RAD51B: variants seen among roughly 807,000 people sequenced by gnomAD.
RAD51B encodes RAD51 paralog B.
RAD51B carries 38 observed loss-of-function variants against 42.2 expected under a neutral mutation model. The observed-to-expected ratio is 0.90, with a 90% CI of 0.70 to 1.18. The LOEUF (loss-of-function observed/expected upper bound fraction) is 1.18. RAD51B is among the 50% of genes most tolerant of loss of function. RAD51B has a pLI of 0.00. For synonymous variants in RAD51B, 154 were observed against 145.2 expected (o/e 1.06, Z -0.43); for missense variants, 373 against 400.7 (o/e 0.93, Z 0.59).
intron 8 of RAD51B, among the ~76,000 whole-genome samples, chr14:68,401,216 G>T (rs1026727762): frequency 6.6e-6 from 1 of 152,114 alleles, no homozygotes; most frequent in Non-Finnish European, 1.5e-5. Flanking sequence ...CATATGTCTT[G>T]GTTTTCTCAG....
In RAD51B at chr14:67,929,260, A is replaced by G. The variant is rs533700731; in HGVS notation, c.756+42056A>G. Among the ~76,000 whole-genome samples the G allele has an allele frequency of 2.6e-5, 4 of 152,124 alleles. No homozygotes were observed. In the East Asian group the frequency reaches 5.8e-4, roughly 22 times the overall value. On this transcript the variant is annotated intron_variant, in intron 7 of 10. Transcript: ENST00000471583. ...ACTCCCCTCTTAACATACTTTTGCTATGTCCCACAGGTTTTGGTATGTTGT... is the reference window on the plus strand; with the variant it reads ...ACTCCCCTCTTAACATACTTTTGCTGTGTCCCACAGGTTTTGGTATGTTGT...
intron 10 of RAD51B, among the ~76,000 whole-genome samples, chr14:68,510,390 G>A (rs1885645397): frequency 6.6e-6 from 1 of 152,160 alleles, no homozygotes; most frequent in Admixed American, 6.5e-5. Context: ...CTGGGGGCGG[G>A]GGAGTGGCCA....
At chr14:68,599,424 G>A (rs1891132806), downstream of RAD51B, among the ~76,000 whole-genome samples, 1 of 152,184 alleles carries the variant, frequency 6.6e-6, no homozygotes, top group Non-Finnish European at 1.5e-5. Flanking sequence ...ACCGTGGGGT[G>A]AGTAGGCTCC....
At chr14:68,414,344 T>A (rs563624557) in intron 9 of RAD51B, among the ~76,000 whole-genome samples, 34 of 152,366 alleles carry the variant, frequency 2.2e-4, no homozygotes, top group Non-Finnish European at 4.4e-4. Flanking sequence ...TTTTTTCCAT[T>A]TGACTTTTAT....
At chr14:68,211,576 G>A (rs535648345) in intron 7 of RAD51B, among the ~76,000 whole-genome samples, 40 of 152,310 alleles carry the variant, frequency 2.6e-4, no homozygotes, top group South Asian at 1.7e-3. Flanking sequence ...ATAGATTGTA[G>A]ACTAGATATG....
chr14:68,465,897 C>T (rs1317936613), intron 9 of RAD51B, among the ~76,000 whole-genome samples: 3 of 150,572 alleles, frequency 2.0e-5, no homozygotes, highest in South Asian at 2.1e-4. Flanking sequence ...GCCGAGATTG[C>T]GCCACTGCAC....
At chr14:68,660,270 C>T (rs142707717) in intron 11 of RAD51B, among the ~76,000 whole-genome samples, 19 of 152,284 alleles carry the variant, frequency 1.2e-4, no homozygotes, top group East Asian at 1.9e-4. Context: ...AGAAAAATAC[C>T]GGGCTGGACA....
At chr14:68,097,930 C>T (rs2077222401) in intron 7 of RAD51B, among the ~76,000 whole-genome samples, 1 of 152,162 alleles carries the variant, frequency 6.6e-6, no homozygotes, top group African/African-American at 2.4e-5. Context: ...TGCATCATCA[C>T]GTGGCTGCAT....
At chr14:68,113,258 A>G (rs113627141) in intron 7 of RAD51B, among the ~76,000 whole-genome samples, 2,329 of 152,194 alleles carry the variant, frequency 0.015, 58 homozygotes, top group Non-Finnish European at 0.016. Context: ...AGAGTGTCTA[A>G]TATCCATAAT....
At chr14:68,339,496 T>G (rs2082528948) in intron 8 of RAD51B, 1 of 429,754 alleles carries the variant, frequency 2.3e-6, no homozygotes, top group Non-Finnish European at 4.1e-6. Context: ...GCTGGAGCCA[T>G]TTTTTCTCCT....
Position 68,468,257 on chromosome 14 carries a change from T to A in RAD51B, c.1036+7T>A. ...GAAGGCCTGGTTCTTCAAGGTAAGA[T>A]CCTTGGATTAAGCCATTTCTTTAAG... On this transcript the variant is annotated splice_region_variant and intron_variant, in intron 10 of 10. Coordinates refer to ENST00000471583, the MANE Select transcript of RAD51B (RefSeq NM_133510.4). 6.2e-7 allele frequency: 1 copy of A among 1,608,692 alleles called. No homozygotes were observed. Among genetic ancestry groups the A allele is most frequent in the Non-Finnish European group, 8.5e-7 (1 of 1,175,066 alleles).
intron 4 of RAD51B, among the ~76,000 whole-genome samples, chr14:67,847,207 C>G (rs915091201): frequency 6.6e-6 from 1 of 152,104 alleles, no homozygotes; most frequent in South Asian, 2.1e-4. Context: ...TTCCCAAAGT[C>G]CCAGTCACTT....
At chr14:67,893,186 G>A (rs1422729748) in intron 7 of RAD51B, among the ~76,000 whole-genome samples, 1 of 152,050 alleles carries the variant, frequency 6.6e-6, no homozygotes, top group Non-Finnish European at 1.5e-5. Context: ...ATTGGCATCA[G>A]TCTTAATACA....
At chr14:68,482,506 G>A (rs1000091907), downstream of RAD51B, among the ~76,000 whole-genome samples, 1 of 152,190 alleles carries the variant, frequency 6.6e-6, no homozygotes, top group Non-Finnish European at 1.5e-5. Context: ...GGAGAAAAGT[G>A]AGTGAAGGCA....
At chr14:68,173,270 A>G (rs2078906390) in intron 7 of RAD51B, among the ~76,000 whole-genome samples, 1 of 152,192 alleles carries the variant, frequency 6.6e-6, no homozygotes, top group Admixed American at 6.5e-5. Flanking sequence ...TGTAGTTAAT[A>G]CATTTTGGTC....
intron 7 of RAD51B, among the ~76,000 whole-genome samples, chr14:68,004,998 A>G (rs1454878814): frequency 7.3e-6 from 1 of 136,294 alleles, no homozygotes; most frequent in East Asian, 2.1e-4. Flanking sequence ...AATAGAACAT[A>G]TTACATATTT....
intron 8 of RAD51B, among the ~76,000 whole-genome samples, chr14:68,404,455 A>G (rs903743747): frequency 1.3e-5 from 2 of 152,204 alleles, no homozygotes; most frequent in African/African-American, 4.8e-5. Flanking sequence ...ACAATCATTT[A>G]TGCCAGCCCT....
At chr14:68,560,776 C>T (rs1001583366) in intron 10 of RAD51B, among the ~76,000 whole-genome samples, 1 of 151,920 alleles carries the variant, frequency 6.6e-6, no homozygotes, top group Admixed American at 6.6e-5. Context: ...GACCTGGCCT[C>T]CCCCCGCCCC....
At chr14:68,032,883 T>A (rs747393299) in intron 7 of RAD51B, among the ~76,000 whole-genome samples, 4 of 142,438 alleles carry the variant, frequency 2.8e-5, no homozygotes, top group Non-Finnish European at 3.0e-5. Flanking sequence ...TGAGTTTCTT[T>A]CAGTTTCATT....
Sources: allele counts gnomAD v4.1 joint callset (sites outside exome capture counted in the v4.1 genomes callset), GRCh38; gene constraint gnomAD v4.1.1; transcripts MANE v1.5; gene names NCBI Gene and HGNC (gene_info 2026-07-23, HGNC 2026-07-21).